The following USH1C variants were observed in gnomAD, a reference collection of about 807,000 sequenced individuals.
USH1C encodes the protein USH1 protein network component harmonin.
USH1C carries 90 observed loss-of-function variants against 119.3 expected under a neutral mutation model. The observed-to-expected ratio is 0.75, with a 90% CI of 0.64 to 0.90. The LOEUF is 0.90. Among genes scored for constraint, USH1C ranks in the 40% least tolerant of loss-of-function variants. The probability of loss-of-function intolerance (pLI) is 0.00; values close to 1 mark genes in which losing one functional copy is unlikely to be tolerated. For missense variants in USH1C, 1,165 were observed against 1,167.7 expected (o/e 1.00, Z 0.03); for synonymous variants, 465 against 443.3 (o/e 1.05, Z -0.62).
At chr11:17,527,073 T>TCCCCCCCCCC in intron 5 of USH1C, 33 bp from the exon 6 acceptor site, 1 of 1,505,056 alleles carries the variant, frequency 6.6e-7, no homozygotes, top group Non-Finnish European at 8.8e-7. Flanking sequence ...TTAGGACAGC[T>TCCCCCCCCCC]CCCCCGCCCT....
chr11:17,543,988 G>A (rs1295301360), intron 1 of USH1C, among the ~76,000 whole-genome samples: 1 of 152,212 alleles, frequency 6.6e-6, no homozygotes, highest in Admixed American at 6.5e-5. Flanking sequence ...AAGACTGGAA[G>A]GAATTCAAAC....
rs1376087871 is a variant in USH1C at position 17,501,274 on chromosome 11, G to A, written c.2281-124C>T. 5.8e-6 allele frequency: 6 copies of A among 1,035,502 alleles called. No individual in the cohort carries two copies. In the Admixed American group the frequency reaches 7.9e-5, roughly 14 times the overall value. 64.1% of individuals were successfully genotyped at this position (1,035,502 alleles called of 1,614,324 possible). A position where few individuals can be genotyped will look rare whatever the true frequency, so the allele number is the denominator to read the frequency against. ...AAGAAGCCATGGGGTCACCGGCAGTGCCATCTGGAGAAAACGCAGCCTTGG... is the reference window on the plus strand; with the variant it reads ...AAGAAGCCATGGGGTCACCGGCAGTACCATCTGGAGAAAACGCAGCCTTGG... On this transcript the variant is annotated intron_variant, in intron 22 of 26. Transcript: ENST00000005226.
intron 1 of USH1C, among the ~76,000 whole-genome samples, chr11:17,538,782 C>A (rs1193584179): frequency 3.3e-5 from 5 of 152,134 alleles, no homozygotes; most frequent in African/African-American, 1.2e-4. Flanking sequence ...GAGACAGGAA[C>A]TGAGGCTCCT....
At chr11:17,511,568 A>C (rs928738453) in intron 16 of USH1C, among the ~76,000 whole-genome samples, 8 of 152,196 alleles carry the variant, frequency 5.3e-5, no homozygotes, top group African/African-American at 1.7e-4. Flanking sequence ...CAGGTGTATC[A>C]AAGGCTAACC....
Position 17,501,094 on chromosome 11 carries a change from C to G in USH1C, c.2337G>C (p.Val779=). The G allele has an allele frequency of 3.1e-6, 5 of 1,614,110 alleles. No individual in the cohort carries two copies. Among genetic ancestry groups the G allele is most frequent in the Non-Finnish European group, 4.2e-6 (5 of 1,180,024 alleles). The part of the protein sequence containing the change: ...EGGVDSPIGK[V]VVSAVYERGA... ...CCCGCTCATACACAGCAGAAACGAC[C>G]ACCTTCCCAATGGGGGAGTCCACAC... The change falls in exon 23 of 27, where the codon GTG becomes GTC. Residue 779 remains valine (V), a synonymous_variant. Transcript: ENST00000005226.
chr11:17,522,467 C>G (rs918822070), intron 12 of USH1C, among the ~76,000 whole-genome samples: 1 of 152,208 alleles, frequency 6.6e-6, no homozygotes, highest in Non-Finnish European at 1.5e-5. Context: ...CAACACCAGC[C>G]TTATGGAGGT....
chr11:17,513,841 A>G lies in USH1C; in HGVS notation c.1261-1787T>C, dbSNP rs1035463065. On this transcript the variant is annotated intron_variant, in intron 15 of 26. Coordinates refer to ENST00000005226, the MANE Select transcript of USH1C (RefSeq NM_153676.4). ...TAAAAAAAGAAAGAAAGAAAGAAAA[A>G]AAAAACTACCAGTGCTAAGATTATA... Among the ~76,000 whole-genome samples the G allele has an allele frequency of 1.5e-3, 224 of 152,222 alleles. 2 individuals are homozygous for G. In the East Asian group the frequency reaches 0.026, roughly 17 times the overall value.
chr11:17,523,999 GT>G, intron 9 of USH1C, among the ~76,000 whole-genome samples: 1 of 152,216 alleles, frequency 6.6e-6, no homozygotes, highest in Non-Finnish European at 1.5e-5. Flanking sequence ...GAGGTTAAGG[GT>G]TCCTGCTTTG....
Position 17,504,526 on chromosome 11 carries a change from T to C in USH1C, c.2184+121A>G, listed in dbSNP as rs1420532625. ...GAGGACACAGCTCTGGCCTGAGGCTTGGTGGCAGATGGGGCCACCATGGAC... is the reference window on the plus strand; with the variant it reads ...GAGGACACAGCTCTGGCCTGAGGCTCGGTGGCAGATGGGGCCACCATGGAC... On this transcript the variant is annotated intron_variant, in intron 20 of 26. Transcript: ENST00000005226. The C allele has an allele frequency of 2.8e-6, 3 of 1,090,538 alleles. No individual in the cohort carries two copies. The African/African-American group carries it at 4.7e-5, about 17-fold the overall frequency. 67.6% of individuals were successfully genotyped at this position (1,090,538 alleles called of 1,614,324 possible).
intron 18 of USH1C, 61 bp downstream of exon 18, chr11:17,509,295 A>C: frequency 1.3e-6 from 2 of 1,509,452 alleles, no homozygotes; most frequent in Non-Finnish European, 1.8e-6. Context: ...AGGACATGGG[A>C]AACAGCAGTT....
chr11:17,531,108 AG>A lies in USH1C; in HGVS notation c.387+45del. ...AGTGGATGAATGAGGGGGAGGCAGGAGGTCCGAGGCCCTCGCTCCCCCTCCC... is the reference window on the plus strand; with the variant it reads ...AGTGGATGAATGAGGGGGAGGCAGGAGTCCGAGGCCCTCGCTCCCCCTCCC... On this transcript the variant is annotated intron_variant, in intron 4 of 26. Coordinates refer to ENST00000005226, the MANE Select transcript of USH1C (RefSeq NM_153676.4). This position sits in a 1 kb window ranked among gnomAD's most constrained non-coding sequence, Gnocchi z 4.2. 6.2e-7 allele frequency: 1 copy of A among 1,612,524 alleles called. No individual in the cohort carries two copies. The highest frequency in any genetic ancestry group is 8.5e-7 in the Non-Finnish European group (1 of 1,179,570).
At chr11:17,521,072 C>A (rs1850391576) in intron 13 of USH1C, 78 bp from the exon 14 acceptor site, 3 of 1,588,870 alleles carry the variant, frequency 1.9e-6, no homozygotes, top group East Asian at 2.2e-5. Flanking sequence ...AGAGCCCCAG[C>A]CAGCCTGGGG....
At chr11:17,529,269 A>G (rs1850850751) in intron 4 of USH1C, among the ~76,000 whole-genome samples, 1 of 152,198 alleles carries the variant, frequency 6.6e-6, no homozygotes, top group South Asian at 2.1e-4. Flanking sequence ...AAGGCAGAGG[A>G]TGTAGGTTAA....
At chr11:17,499,791 G>T (rs1591959153) in intron 23 of USH1C, among the ~76,000 whole-genome samples, 1 of 152,226 alleles carries the variant, frequency 6.6e-6, no homozygotes, top group Non-Finnish European at 1.5e-5. Context: ...ACCCACAGAG[G>T]TCTGGTTGCC....
intron 23 of USH1C, among the ~76,000 whole-genome samples, chr11:17,498,554 C>T (rs1849324531): frequency 6.6e-6 from 1 of 152,214 alleles, no homozygotes; most frequent in Admixed American, 6.5e-5. Flanking sequence ...CACAGACCTG[C>T]ATTTCCAGCA....
At position 17,512,029 on chromosome 11, in the gene USH1C, T is replaced by G; in HGVS notation, c.1286A>C (p.Lys429Thr). 1 of 1,614,262 alleles carries G rather than the reference T, an allele frequency of 6.2e-7. No individual in the cohort carries two copies. The highest frequency in any genetic ancestry group is 8.5e-7 in the Non-Finnish European group (1 of 1,180,054). The change falls in exon 16 of 27, where the codon AAG (lysine) becomes ACG (threonine). Residue 429 changes from lysine to threonine, a missense_variant. Physicochemically the swap from Lys to Thr is moderately conservative, Grantham distance 78. Transcript: ENST00000005226. ...RKKGKDKKKA[K>T]YGSLQDLRKN... ...TCTCAAGTCCTGCAGGCTGCCATAC[T>G]TGGCTTTCTTCTTATCTTTTCCTTT...
intron 1 of USH1C, among the ~76,000 whole-genome samples, chr11:17,536,364 T>C (rs1182000674): frequency 6.6e-6 from 1 of 152,250 alleles, no homozygotes; most frequent in Non-Finnish European, 1.5e-5. Context: ...AGTGAGGAAC[T>C]GTCCTCCTTA....
intron 19 of USH1C, 53 bp from the exon 20 acceptor site, chr11:17,504,750 G>C: frequency 6.3e-7 from 1 of 1,596,348 alleles, no homozygotes. Flanking sequence ...AATAGGTCTT[G>C]GCTGCCCCCT....
At position 17,531,344 on chromosome 11, in the gene USH1C, C is replaced by T; in HGVS notation, c.249-52G>A. 6.2e-7 allele frequency: 1 copy of T among 1,613,980 alleles called. No individual in the cohort carries two copies. The highest frequency in any genetic ancestry group is 1.7e-4 in the Middle Eastern group (1 of 6,060). On this transcript the variant is annotated intron_variant, in intron 3 of 26. Coordinates refer to ENST00000005226, the MANE Select transcript of USH1C (RefSeq NM_153676.4). The surrounding 1 kb of genome is among the most constrained non-coding windows in gnomAD (Gnocchi z 4.2). ...GTGCAGCTTGGCTGCCAGCACTGCC[C>T]CGCCCAGGGTGATCTCTCCACCCCC...
Sources: gnomAD v4.1 joint callset for allele counts (sites outside exome capture counted in the v4.1 genomes callset) on GRCh38, gnomAD v4.1.1 for gene constraint, Gnocchi (gnomAD v3.1) non-coding constraint, MANE v1.5 for transcripts, NCBI Gene and HGNC (gene_info 2026-07-23, HGNC 2026-07-21) for gene names.